CSMD2: variants seen among roughly 807,000 people sequenced by gnomAD.
The protein encoded by CSMD2 is CUB and Sushi multiple domains 2.
A neutral mutation model predicts 398.5 loss-of-function variants in CSMD2; 130 were observed. That is an observed-to-expected ratio of 0.33 (90% CI 0.28 to 0.38). The LOEUF is 0.38. CSMD2 is among the 10% of genes least tolerant of loss of function. The pLI, the probability that CSMD2 is intolerant of heterozygous loss-of-function variation, is 1.00. For missense variants in CSMD2, 3,829 were observed against 4,764.9 expected (o/e 0.80, Z 5.78); for synonymous variants, 1,828 against 1,908.5 (o/e 0.96, Z 1.10).
rs190163895 is a variant in CSMD2 at position 33,767,741 on chromosome 1, C to A, written c.1846+4828G>T. ...TAGATTTCCAGTAAGGGTCACAAAT[C>A]TACCTTTCTTGGATTTGTCTAACTC... is the stretch of plus-strand genomic sequence containing the variant. On this transcript the variant is annotated intron_variant, in intron 13 of 70. Coordinates refer to ENST00000373381, the MANE Select transcript of CSMD2 (RefSeq NM_001281956.2). Among the ~76,000 whole-genome samples, 437 of 152,352 alleles carry A rather than the reference C, an allele frequency of 2.9e-3. 2 individuals carry two copies. Among genetic ancestry groups the A allele is most frequent in the African/African-American group, 9.6e-3 (401 of 41,576 alleles).
At chr1:34,085,573 A>G (rs935724232) in intron 2 of CSMD2, among the ~76,000 whole-genome samples, 5 of 152,168 alleles carry the variant, frequency 3.3e-5, no homozygotes, top group Non-Finnish European at 5.9e-5. Flanking sequence ...ATTTCCTGCA[A>G]TAGTTGGTAG....
chr1:33,781,364 T>C (rs1569897864), intron 12 of CSMD2, among the ~76,000 whole-genome samples: 1 of 152,242 alleles, frequency 6.6e-6, no homozygotes, highest in Non-Finnish European at 1.5e-5. Flanking sequence ...TTTCCCTGTC[T>C]TCTAGCACTT....
chr1:33,615,428 C>A (rs1368860792), intron 39 of CSMD2, among the ~76,000 whole-genome samples: 1 of 152,168 alleles, frequency 6.6e-6, no homozygotes, highest in Non-Finnish European at 1.5e-5. Context: ...CAAGTGCTTT[C>A]TGGGGAGAGG....
intron 1 of CSMD2, among the ~76,000 whole-genome samples, chr1:34,136,201 A>C (rs1414278872): frequency 4.6e-5 from 7 of 152,178 alleles, no homozygotes; most frequent in Non-Finnish European, 8.8e-5. Context: ...CTTAAAAACT[A>C]TTTCACTGAA....
At chr1:33,719,339 G>T (rs1226737080) in intron 19 of CSMD2, among the ~76,000 whole-genome samples, 4 of 152,224 alleles carry the variant, frequency 2.6e-5, no homozygotes, top group Non-Finnish European at 5.9e-5. Flanking sequence ...ATCGCGCTTT[G>T]CACTCTATTC....
intron 3 of CSMD2, among the ~76,000 whole-genome samples, chr1:33,940,775 A>G (rs1248034202): frequency 6.6e-6 from 1 of 152,220 alleles, no homozygotes; most frequent in Non-Finnish European, 1.5e-5. Context: ...TAGGCACTGC[A>G]ATAAGATGAA....
intron 13 of CSMD2, among the ~76,000 whole-genome samples, chr1:33,746,605 A>G (rs2149262930): frequency 6.6e-6 from 1 of 152,312 alleles, no homozygotes; most frequent in African/African-American, 2.4e-5. Context: ...ATTCTCTAAA[A>G]TTATCTTGTT....
At position 33,633,511 on chromosome 1, in the gene CSMD2, A is replaced by T; in HGVS notation, c.5111T>A (p.Phe1704Tyr). The change falls in exon 32 of 71, where the codon TTT becomes TAT. Residue 1704 changes from phenylalanine (F) to tyrosine (Y), a missense_variant. Coordinates refer to ENST00000373381, the MANE Select transcript of CSMD2 (RefSeq NM_001281956.2). This position sits in a 1 kb window ranked among gnomAD's most constrained non-coding sequence, Gnocchi z 5.0. The part of the protein sequence containing the change: ...DYVVFGQFAF[F>Y]HTALNDVVEV... ...CACCACGTCGTTGAGGGCCGTGTGA[A>T]AGAAGGCGAACTGGCCAAACACCAC... 6.4e-7 allele frequency: 1 copy of T among 1,552,806 alleles called. No homozygotes were observed. The highest frequency in any genetic ancestry group is 1.2e-5 in the South Asian group (1 of 84,096).
intron 9 of CSMD2, among the ~76,000 whole-genome samples, chr1:33,811,929 A>G (rs1656910193): frequency 6.6e-6 from 1 of 152,210 alleles, no homozygotes; most frequent in Non-Finnish European, 1.5e-5. Context: ...AAGCTTAACT[A>G]TATAAAATGA....
intron 12 of CSMD2, among the ~76,000 whole-genome samples, chr1:33,773,163 A>G (rs1651509927): frequency 6.6e-6 from 1 of 151,944 alleles, no homozygotes; most frequent in African/African-American, 2.4e-5. Flanking sequence ...TTCCTCACTG[A>G]ACCTGACCTT....
At chr1:33,520,814 G>T (rs936303195) in intron 68 of CSMD2, among the ~76,000 whole-genome samples, 1 of 152,118 alleles carries the variant, frequency 6.6e-6, no homozygotes, top group African/African-American at 2.4e-5. Context: ...AGGCTGTCAC[G>T]CACCTGCGGC....
intron 25 of CSMD2, among the ~76,000 whole-genome samples, chr1:33,677,024 C>G (rs919193736): frequency 6.6e-6 from 1 of 152,178 alleles, no homozygotes; most frequent in African/African-American, 2.4e-5. Flanking sequence ...AAAACCTAGG[C>G]AATACCATGC....
At chr1:34,145,690 AAGTTAGGTTGTGTCG>A (rs1244377107) in intron 1 of CSMD2, among the ~76,000 whole-genome samples, 8 of 152,148 alleles carry the variant, frequency 5.3e-5, no homozygotes, top group African/African-American at 1.9e-4. Flanking sequence ...CGCCATAACA[AAGTTAGGTTGTGTCG>A]AGGAACGGGG....
intron 13 of CSMD2, among the ~76,000 whole-genome samples, chr1:33,757,051 A>T (rs770411): frequency 6.6e-6 from 1 of 151,320 alleles, no homozygotes; most frequent in Non-Finnish European, 1.5e-5. Flanking sequence ...GTAAACTATC[A>T]CAAGGACAAA....
intron 12 of CSMD2, among the ~76,000 whole-genome samples, chr1:33,783,068 C>T (rs148880915): frequency 2.2e-4 from 33 of 151,880 alleles, no homozygotes; most frequent in African/African-American, 7.7e-4. Context: ...AAGTGGGATG[C>T]GGAAAACTGA....
chr1:33,836,571 C>T (rs922257580), intron 6 of CSMD2, among the ~76,000 whole-genome samples: 2 of 152,184 alleles, frequency 1.3e-5, no homozygotes, highest in Admixed American at 6.5e-5. Flanking sequence ...GGTGGGCACC[C>T]CTCCCCTAGC....
chr1:34,063,715 G>T (rs965591960), intron 2 of CSMD2, among the ~76,000 whole-genome samples: 1 of 152,188 alleles, frequency 6.6e-6, no homozygotes, highest in Admixed American at 6.5e-5. Flanking sequence ...CCATTCTGGG[G>T]TCTGGAAGAT....
chr1:33,748,375 G>T (rs1309888223), intron 13 of CSMD2, among the ~76,000 whole-genome samples: 1 of 152,174 alleles, frequency 6.6e-6, no homozygotes, highest in Non-Finnish European at 1.5e-5. Flanking sequence ...TCCTCCTTCA[G>T]AGTAGTGACC....
In CSMD2 at chr1:33,771,025, T is replaced by C. The variant is rs550704083; in HGVS notation, c.1846+1544A>G. Among the ~76,000 whole-genome samples, 5 of 152,352 alleles carry C rather than the reference T, an allele frequency of 3.3e-5. No homozygotes were observed. The East Asian group carries it at 9.6e-4, about 29-fold the overall frequency. On this transcript the variant is annotated intron_variant, in intron 13 of 70. Transcript: ENST00000373381. ...CATTCTGCTACCTGCCTCTTTCAGC[T>C]TGGGGGACAGTGAATCTTATCCTGG...
Sources: allele counts gnomAD v4.1 joint callset (sites outside exome capture counted in the v4.1 genomes callset), GRCh38; gene constraint gnomAD v4.1.1; non-coding constraint Gnocchi (gnomAD v3.1); transcripts MANE v1.5; gene names NCBI Gene and HGNC (gene_info 2026-07-23, HGNC 2026-07-21).